Variants in HSD17B4 observed in about 807,000 individuals in gnomAD.
HSD17B4 encodes the protein hydroxysteroid 17-beta dehydrogenase 4, also known as peroxisomal multifunctional enzyme type 2.
Under a neutral mutation model 101.0 loss-of-function variants are expected in HSD17B4, and 70 were observed. The ratio of observed to expected loss-of-function variants is 0.69; its 90% CI spans 0.57 to 0.85. HSD17B4 has a LOEUF of 0.85. Ranked by LOEUF, HSD17B4 falls within the 40% of genes least tolerant of loss-of-function variation. The pLI is 0.00. For synonymous variants in HSD17B4, 347 were observed against 297.1 expected (o/e 1.17, Z -1.73); for missense variants, 984 against 892.4 (o/e 1.10, Z -1.31).
intron 21 of HSD17B4, 108 bp downstream of exon 21, chr5:119,530,088 A>T: frequency 1.3e-6 from 1 of 741,804 alleles, no homozygotes; most frequent in Admixed American, 1.9e-5. Context: ...CCATGAAACT[A>T]TTCTTAATTC....
rs184089935 is a variant in HSD17B4, at chr5:119,480,801, G to T, written c.622+1780G>T. On this transcript the variant is annotated intron_variant, in intron 8 of 23. Coordinates refer to ENST00000510025, the MANE Select transcript of HSD17B4 (RefSeq NM_000414.4). ...ACCGTAAGAGACAGGTACGCCCCGG[G>T]GGGGCCAGTTCAGAGACCTACCCCT... 3.5e-3 allele frequency among the ~76,000 whole-genome samples: 536 copies of T among 152,248 alleles called. 3 individuals are homozygous for T. The highest frequency in any genetic ancestry group is 0.012 in the African/African-American group (496 of 41,552).
intron 1 of HSD17B4, 106 bp downstream of exon 1, chr5:119,452,739 G>T (rs1219839852): frequency 6.3e-7 from 1 of 1,598,272 alleles, no homozygotes; most frequent in South Asian, 1.1e-5. Flanking sequence ...CCCCGCTGAG[G>T]TGGTGGGGAG....
chr5:119,528,625 A>G (rs539995231), intron 20 of HSD17B4, among the ~76,000 whole-genome samples: 1 of 152,250 alleles, frequency 6.6e-6, no homozygotes, highest in East Asian at 1.9e-4. Context: ...TTTGATTAAG[A>G]TTATGAACTC....
chr5:119,485,333 AG>A (rs776536503), intron 8 of HSD17B4, among the ~76,000 whole-genome samples: 1 of 152,168 alleles, frequency 6.6e-6, no homozygotes, highest in Non-Finnish European at 1.5e-5. Flanking sequence ...GGACCACTAA[AG>A]GCATTAGGTA....
chr5:119,531,234 AC>A (rs779234590), intron 21 of HSD17B4, 31 bp from the exon 22 acceptor site: 1 of 1,610,844 alleles, frequency 6.2e-7, no homozygotes, highest in South Asian at 1.1e-5. Flanking sequence ...TTTTTACAGA[AC>A]TTTTAAAGTT....
chr5:119,483,360 G>GTGC (rs1300339029), intron 8 of HSD17B4, among the ~76,000 whole-genome samples: 1 of 152,084 alleles, frequency 6.6e-6, no homozygotes, highest in Non-Finnish European at 1.5e-5. Context: ...GAATTCTCTG[G>GTGC]TGCTGATAAG....
intron 20 of HSD17B4, among the ~76,000 whole-genome samples, chr5:119,529,117 A>G (rs1201483667): frequency 6.6e-6 from 1 of 152,194 alleles, no homozygotes; most frequent in East Asian, 1.9e-4. Context: ...CCTCCAAAAT[A>G]TGATGAGATG....
rs546818383 is a variant in HSD17B4 at position 119,516,971 on chromosome 5, G to A, written c.1503+1925G>A. Among the ~76,000 whole-genome samples, 119 of 152,372 alleles carry A rather than the reference G, an allele frequency of 7.8e-4. 1 individual carries two copies. The highest frequency in any genetic ancestry group is 1.9e-3 in the Admixed American group (29 of 15,300). Reference sequence around the variant, plus strand: ...GTCCTCACAGCCCTCGCTCGCTCTCGGCGCCTCCTCTGCCTGGGCTCCCAC... The same window carrying A: ...GTCCTCACAGCCCTCGCTCGCTCTCAGCGCCTCCTCTGCCTGGGCTCCCAC... On this transcript the variant is annotated intron_variant, in intron 17 of 23. Coordinates refer to ENST00000510025, the MANE Select transcript of HSD17B4 (RefSeq NM_000414.4).
At chr5:119,500,434 C>T (rs1449030191) in intron 13 of HSD17B4, among the ~76,000 whole-genome samples, 1 of 151,904 alleles carries the variant, frequency 6.6e-6, no homozygotes, top group Admixed American at 6.6e-5. Flanking sequence ...ATAGTAATTA[C>T]ATATGGCATT....
At chr5:119,511,512 GA>G (rs1752164987) in intron 16 of HSD17B4, among the ~76,000 whole-genome samples, 1 of 152,056 alleles carries the variant, frequency 6.6e-6, no homozygotes, top group African/African-American at 2.4e-5. Context: ...GGACACTGTT[GA>G]AAAAAATAGA....
chr5:119,493,958 C>T lies in HSD17B4; in HGVS notation c.868+12C>T. ...TCAGAGTATCCAAGGTAAAGAGAGT[C>T]CCCGTCACTTAGCCCTGGTTGGGGA... On this transcript the variant is annotated intron_variant, in intron 11 of 23. Transcript: ENST00000510025. The T allele has an allele frequency of 2.5e-6, 4 of 1,612,654 alleles. No homozygotes were observed. Among genetic ancestry groups the T allele is most frequent in the Non-Finnish European group, 3.4e-6 (4 of 1,179,054 alleles).
At chr5:119,495,668 GTTAT>G (rs1457464369) in intron 11 of HSD17B4, 35 of 166,526 alleles carry the variant, frequency 2.1e-4, no homozygotes, top group South Asian at 1.3e-3. Flanking sequence ...CTGTAATTTG[GTTAT>G]TTATTTATTT....
rs560645703 is a variant in HSD17B4, at chr5:119,475,814, G to A, written c.303-10G>A. 3.1e-6 allele frequency: 5 copies of A among 1,599,240 alleles called. No individual in the cohort carries two copies. The South Asian group carries it at 5.5e-5, about 18-fold the overall frequency. On this transcript the variant is annotated splice_polypyrimidine_tract_variant and intron_variant, in intron 5 of 23. Coordinates refer to ENST00000510025, the MANE Select transcript of HSD17B4 (RefSeq NM_000414.4). ...TCCTCCTTTTACCCTATACAACATT[G>A]ATTTTTTAGAATTCTGAGGGATCGT...
At chr5:119,494,385 C>T (rs1211179740) in intron 11 of HSD17B4, among the ~76,000 whole-genome samples, 2 of 134,420 alleles carry the variant, frequency 1.5e-5, no homozygotes, top group South Asian at 4.6e-4. Context: ...TTCTTTCTTT[C>T]TTTCTCAAAA....
At chr5:119,454,418 G>C (rs530232177) in intron 1 of HSD17B4, among the ~76,000 whole-genome samples, 4 of 150,334 alleles carry the variant, frequency 2.7e-5, no homozygotes, top group Non-Finnish European at 5.9e-5. Flanking sequence ...TGATCCTTTT[G>C]CATCAGCTTC....
chr5:119,476,688 AT>A, intron 6 of HSD17B4: 1 of 985,434 alleles, frequency 1.0e-6, no homozygotes, highest in East Asian at 1.1e-4. Flanking sequence ...AAGGGGGCCT[AT>A]GTTGGTGCTT....
intron 17 of HSD17B4, among the ~76,000 whole-genome samples, chr5:119,518,273 C>T (rs1430788863): frequency 6.6e-6 from 1 of 152,050 alleles, no homozygotes; most frequent in Non-Finnish European, 1.5e-5. Context: ...CTGTAACACT[C>T]ACCGCGAAGG....
At chr5:119,496,013 CT>C (rs1750615521) in intron 11 of HSD17B4, among the ~76,000 whole-genome samples, 1 of 152,060 alleles carries the variant, frequency 6.6e-6, no homozygotes, top group Non-Finnish European at 1.5e-5. Context: ...AGAAAAGCAG[CT>C]TTTGATCCCT....
intron 16 of HSD17B4, among the ~76,000 whole-genome samples, chr5:119,512,064 G>T (rs1460430645): frequency 6.6e-6 from 1 of 152,068 alleles, no homozygotes; most frequent in Admixed American, 6.5e-5. Flanking sequence ...TATAATAACT[G>T]AGATGAAAAA....
Sources: allele counts gnomAD v4.1 joint callset (sites outside exome capture counted in the v4.1 genomes callset), GRCh38; gene constraint gnomAD v4.1.1; transcripts MANE v1.5; gene names NCBI Gene and HGNC (gene_info 2026-07-23, HGNC 2026-07-21).